The following CIMAP2 variants were observed in gnomAD, a reference collection of about 807,000 sequenced individuals.
The protein encoded by CIMAP2 is ciliary microtubule associated protein 2, also known as ciliary microtubule-associated protein 2.
At chr1:54,817,249 C>G in the CIMAP2 span, 3 of 1,284,866 alleles carry the variant, frequency 2.3e-6, no homozygotes, top group East Asian at 2.5e-5. Context: ...GCCAGCCAAA[C>G]AGCAGAGGCA....
At chr1:54,834,954 T>G in the CIMAP2 span, among the ~76,000 whole-genome samples, 1 of 152,350 alleles carries the variant, frequency 6.6e-6, no homozygotes, top group South Asian at 2.1e-4. Context: ...TATCTGTCTA[T>G]CCATCTGTTA....
At chr1:54,812,114 C>T in the CIMAP2 span, 53 of 1,614,102 alleles carry the variant, frequency 3.3e-5, no homozygotes, top group Middle Eastern at 1.6e-4. Context: ...CACGATCCGT[C>T]GGCACCCGCG....
At chr1:54,811,679 C>T in the CIMAP2 span, 5 of 1,209,406 alleles carry the variant, frequency 4.1e-6, no homozygotes, top group Non-Finnish European at 4.8e-6. Flanking sequence ...CAAGCGGACA[C>T]CCTGAAAATC....
the CIMAP2 span, among the ~76,000 whole-genome samples, chr1:54,835,872 C>G: frequency 1.3e-5 from 2 of 152,090 alleles, no homozygotes; most frequent in African/African-American, 4.8e-5. Context: ...TCCCCCGAAG[C>G]TTTCTGGAAG....
the CIMAP2 span, chr1:54,817,111 C>T: frequency 3.1e-6 from 5 of 1,614,142 alleles, no homozygotes; most frequent in Admixed American, 6.7e-5. Flanking sequence ...TGGCCCGGGA[C>T]ATGCTCATGC....
chr1:54,811,692 A>C, the CIMAP2 span: 1 of 1,362,554 alleles, frequency 7.3e-7, no homozygotes, highest in Non-Finnish European at 1.0e-6. Flanking sequence ...TGAAAATCCC[A>C]TTCCCTTCTT....
the CIMAP2 span, among the ~76,000 whole-genome samples, chr1:54,834,028 G>C: frequency 1.3e-5 from 2 of 152,162 alleles, no homozygotes; most frequent in East Asian, 3.9e-4. Context: ...GGTAAAGATG[G>C]GGTTTCACCA....
the CIMAP2 span, among the ~76,000 whole-genome samples, chr1:54,809,718 C>T: frequency 6.6e-6 from 1 of 152,062 alleles, no homozygotes; most frequent in Non-Finnish European, 1.5e-5. Context: ...TCTGTGGAGA[C>T]CAAGGCCTGG....
the CIMAP2 span, chr1:54,807,478 A>G: frequency 4.1e-6 from 6 of 1,453,708 alleles, no homozygotes; most frequent in Non-Finnish European, 5.5e-6. Flanking sequence ...CTCTGTGGGT[A>G]GACTGGGCGG....
chr1:54,812,118 A>G, the CIMAP2 span: 2 of 1,614,112 alleles, frequency 1.2e-6, no homozygotes, highest in African/African-American at 1.3e-5. Context: ...ATCCGTCGGC[A>G]CCCGCGGCCC....
chr1:54,811,772 T>TCCCTCCCCCCCCCCCC, the CIMAP2 span: 1 of 454,868 alleles, frequency 2.2e-6, no homozygotes, highest in Non-Finnish European at 4.3e-6. Flanking sequence ...ACAGCCTCCA[T>TCCCTCCCCCCCCCCCC]GCCCCCACCC....
chr1:54,819,959 CTCT>C, the CIMAP2 span, among the ~76,000 whole-genome samples: 1 of 101,966 alleles, frequency 9.8e-6, no homozygotes. Flanking sequence ...TTCTTTCTTT[CTCT>C]TTTCTTTCTT....
At chr1:54,815,161 T>A in the CIMAP2 span, 1 of 1,414,842 alleles carries the variant, frequency 7.1e-7, no homozygotes, top group South Asian at 1.4e-5. Flanking sequence ...CCCTTTCTTT[T>A]CCCCAAGGGA....
chr1:54,820,240 T>C, the CIMAP2 span, among the ~76,000 whole-genome samples: 2 of 151,744 alleles, frequency 1.3e-5, no homozygotes, highest in African/African-American at 4.8e-5. Context: ...TGAACATGGC[T>C]CACTGCAGCC....
chr1:54,815,011 A>T, the CIMAP2 span: 1 of 1,614,082 alleles, frequency 6.2e-7, no homozygotes, highest in Non-Finnish European at 8.5e-7. Context: ...TCAGGTGCAA[A>T]GGCCTGCCAG....
At chr1:54,814,928 C>A in the CIMAP2 span, 1 of 1,614,194 alleles carries the variant, frequency 6.2e-7, no homozygotes, top group Non-Finnish European at 8.5e-7. Flanking sequence ...CATCTGGCCC[C>A]AGTTTCTGGC....
At chr1:54,809,550 A>G in the CIMAP2 span, among the ~76,000 whole-genome samples, 10 of 152,246 alleles carry the variant, frequency 6.6e-5, no homozygotes, top group African/African-American at 2.4e-4. Flanking sequence ...CATTCTACAG[A>G]TGAGAAAAAT....
the CIMAP2 span, among the ~76,000 whole-genome samples, chr1:54,826,230 G>A: frequency 6.6e-6 from 1 of 152,190 alleles, no homozygotes; most frequent in African/African-American, 2.4e-5. Flanking sequence ...GTTGCTGTTA[G>A]TGGCAGTGGC....
chr1:54,808,563 T>A, the CIMAP2 span, among the ~76,000 whole-genome samples: 699 of 136,070 alleles, frequency 5.1e-3, 3 homozygotes, highest in African/African-American at 0.018. Flanking sequence ...GGCTGGGTCA[T>A]GAGGGCCCTG....
Sources: gnomAD v4.1 joint callset for allele counts (sites outside exome capture counted in the v4.1 genomes callset) on GRCh38, gnomAD v4.1.1 for gene constraint, MANE v1.5 for transcripts, NCBI Gene and HGNC (gene_info 2026-07-23, HGNC 2026-07-21) for gene names.